The following ESR2 variants were observed in gnomAD, a reference collection of about 807,000 sequenced individuals.
ESR2 encodes the protein estrogen receptor 2, also known as estrogen receptor beta.
ESR2 carries 36 observed loss-of-function variants against 49.6 expected under a neutral mutation model. The observed-to-expected ratio is 0.73, with a 90% CI of 0.56 to 0.96. ESR2 has a LOEUF of 0.96. ESR2 is among the 40% of genes least tolerant of loss of function. The pLI is 0.00. For missense variants in ESR2, 714 were observed against 693.0 expected, an observed-to-expected ratio of 1.03 and a Z score of -0.34; for synonymous variants, 320 against 266.1, an observed-to-expected ratio of 1.20 and a Z score of -1.97.
chr14:64,334,437 A>T (rs1388938826), intron 1 of ESR2, among the ~76,000 whole-genome samples: 1 of 152,180 alleles, frequency 6.6e-6, no homozygotes, highest in Non-Finnish European at 1.5e-5. Context: ...GCCTTTCCAC[A>T]GCACTGTTTG....
chr14:64,296,466 C>A (rs1283925404), upstream of ESR2, among the ~76,000 whole-genome samples: 2 of 152,158 alleles, frequency 1.3e-5, no homozygotes, highest in African/African-American at 4.8e-5. Flanking sequence ...ATTCTATTAC[C>A]CCCATTTTAT....
intron 1 of ESR2, among the ~76,000 whole-genome samples, chr14:64,327,588 C>A (rs1037676822): frequency 3.3e-5 from 5 of 152,112 alleles, no homozygotes; most frequent in South Asian, 2.1e-4. Context: ...CCCAGCTACT[C>A]GGGAGACTGA....
At chr14:64,244,729 T>C (rs973048491) in intron 7 of ESR2, among the ~76,000 whole-genome samples, 1 of 152,238 alleles carries the variant, frequency 6.6e-6, no homozygotes, top group African/African-American at 2.4e-5. Context: ...CCTGGTTCAC[T>C]AGCATGCAGA....
At chr14:64,323,819 G>A (rs957697593) in intron 1 of ESR2, among the ~76,000 whole-genome samples, 13 of 152,030 alleles carry the variant, frequency 8.6e-5, no homozygotes, top group Non-Finnish European at 5.9e-5. Context: ...AACCTCCCAA[G>A]TAGTTGGGAT....
At chr14:64,244,783 GTT>G (rs1236926182) in intron 7 of ESR2, among the ~76,000 whole-genome samples, 1 of 152,210 alleles carries the variant, frequency 6.6e-6, no homozygotes, top group Non-Finnish European at 1.5e-5. Flanking sequence ...GTTCAAGTCA[GTT>G]TTCATAATAA....
At chr14:64,249,747 T>A in intron 6 of ESR2, 68 bp from the exon 7 acceptor site, 1 of 1,490,052 alleles carries the variant, frequency 6.7e-7, no homozygotes, top group Non-Finnish European at 9.2e-7. Context: ...CAATAAGGAA[T>A]GTTTTATTTT....
intron 1 of ESR2, among the ~76,000 whole-genome samples, chr14:64,283,384 T>C (rs2076719986): frequency 6.6e-6 from 1 of 152,198 alleles, no homozygotes; most frequent in Non-Finnish European, 1.5e-5. Context: ...AAATGAAAGT[T>C]CTTATGGAAA....
chr14:64,315,813 C>T (rs2077247873), intron 1 of ESR2, among the ~76,000 whole-genome samples: 1 of 152,086 alleles, frequency 6.6e-6, no homozygotes, highest in African/African-American at 2.4e-5. Context: ...TGCCACCACG[C>T]CCAGCTAATT....
chr14:64,308,080 A>T (rs1009452694), intron 1 of ESR2, among the ~76,000 whole-genome samples: 1 of 151,746 alleles, frequency 6.6e-6, no homozygotes, highest in African/African-American at 2.4e-5. Context: ...AGTGGCATGA[A>T]CATGCCTCAG....
intron 3 of ESR2, among the ~76,000 whole-genome samples, chr14:64,274,905 G>A (rs1008070940): frequency 1.3e-5 from 2 of 152,094 alleles, no homozygotes; most frequent in African/African-American, 4.8e-5. Flanking sequence ...TGTTTGTATA[G>A]TTTCCAAAAT....
At position 64,282,642 on chromosome 14, in the gene ESR2, T is replaced by TG. The variant is rs1443991149; in HGVS notation, c.343dup (p.His115ProfsTer15). ...GACTTACCTGTTTACAGGTAAGGTGTGTTCTAGCGATCTTGCTTCACACCA... is the reference window on the plus strand; with the variant it reads ...GACTTACCTGTTTACAGGTAAGGTGTGGTTCTAGCGATCTTGCTTCACACCA... On this transcript the variant is annotated frameshift_variant, in exon 2 of 9. Transcript: ENST00000341099. LOFTEE classifies it high-confidence loss of function. The TG allele has an allele frequency of 6.2e-7, 1 of 1,604,360 alleles. No individual in the cohort carries two copies. The highest frequency in any genetic ancestry group is 8.5e-7 in the Non-Finnish European group (1 of 1,171,802).
intron 1 of ESR2, among the ~76,000 whole-genome samples, chr14:64,328,051 CAAAAAAAA>C (rs748229456): frequency 1.1e-4 from 10 of 87,146 alleles, no homozygotes; most frequent in African/African-American, 1.6e-4. Flanking sequence ...ACTAAAAATA[CAAAAAAAA>C]AAAAAAAAAA....
chr14:64,311,314 T>G (rs2077185451), intron 1 of ESR2, among the ~76,000 whole-genome samples: 1 of 152,202 alleles, frequency 6.6e-6, no homozygotes, highest in Non-Finnish European at 1.5e-5. Context: ...TTTGATTCAC[T>G]GCTGGTAGAA....
chr14:64,323,458 G>A (rs75344118), intron 1 of ESR2, among the ~76,000 whole-genome samples: 2,390 of 151,964 alleles, frequency 0.016, 66 homozygotes, highest in East Asian at 0.088. Context: ...ATCCCACCTC[G>A]GCCTCACAGA....
intron 3 of ESR2, among the ~76,000 whole-genome samples, chr14:64,276,717 TTAAA>T (rs2076565103): frequency 6.6e-6 from 1 of 152,000 alleles, no homozygotes; most frequent in African/African-American, 2.4e-5. Context: ...TAATAAAGAG[TTAAA>T]TAAATTAAAT....
chr14:64,228,674 A>G lies in ESR2; in HGVS notation c.*4463T>C, dbSNP rs2098724563. Among the ~76,000 whole-genome samples the G allele has an allele frequency of 6.6e-6, 1 of 152,258 alleles. No individual in the cohort carries two copies. The highest frequency in any genetic ancestry group is 2.4e-5 in the African/African-American group (1 of 41,462). ...ACAAATGCAAAAACATCCATTGTAC[A>G]GTTAACAGGAACTGTTCGCGGCTGG... On this transcript the variant is annotated 3_prime_UTR_variant, in exon 9 of 9. Coordinates refer to ENST00000341099, the MANE Select transcript of ESR2 (RefSeq NM_001437.3).
At chr14:64,297,845 G>C (rs964407969), upstream of ESR2, 1 of 152,220 alleles carries the variant, frequency 6.6e-6, no homozygotes, top group Non-Finnish European at 1.5e-5. Flanking sequence ...TGAGCTTGAA[G>C]CCAAGTAGGA....
intron 3 of ESR2, among the ~76,000 whole-genome samples, chr14:64,277,764 T>C (rs2076585180): frequency 6.6e-6 from 1 of 151,970 alleles, no homozygotes; most frequent in Non-Finnish European, 1.5e-5. Flanking sequence ...ACAGGAAGCA[T>C]GCAAAGAAAG....
intron 1 of ESR2, among the ~76,000 whole-genome samples, chr14:64,329,152 G>C (rs142690710): frequency 1.3e-5 from 2 of 152,202 alleles, no homozygotes; most frequent in African/African-American, 4.8e-5. Flanking sequence ...TTATGATACT[G>C]TGTGTGTAGA....
Sources: gnomAD v4.1 joint callset for allele counts (sites outside exome capture counted in the v4.1 genomes callset) on GRCh38, gnomAD v4.1.1 for gene constraint, MANE v1.5 for transcripts, NCBI Gene and HGNC (gene_info 2026-07-23, HGNC 2026-07-21) for gene names.